The following NPL variants were observed in gnomAD, a reference collection of about 807,000 sequenced individuals.
The protein encoded by NPL is N-acetylneuraminate pyruvate lyase.
NPL carries 32 observed loss-of-function variants against 41.1 expected under a neutral mutation model. The ratio of observed to expected loss-of-function variants is 0.78; its 90% CI spans 0.59 to 1.05. NPL has a LOEUF of 1.05. Ranked by LOEUF, NPL falls within the 50% of genes least tolerant of loss-of-function variation. NPL has a pLI of 0.00. For missense variants in NPL, 321 were observed against 378.4 expected (o/e 0.85, Z 1.26); for synonymous variants, 128 against 134.9 (o/e 0.95, Z 0.35).
chr1:182,827,461 A>G (rs1557955344), intron 12 of NPL, among the ~76,000 whole-genome samples: 1 of 152,178 alleles, frequency 6.6e-6, no homozygotes, highest in Non-Finnish European at 1.5e-5. Context: ...AAAGTCTATT[A>G]GTTGTATTTT....
intron 3 of NPL, among the ~76,000 whole-genome samples, chr1:182,803,041 A>C (rs1021539219): frequency 6.6e-6 from 1 of 152,224 alleles, no homozygotes; most frequent in Non-Finnish European, 1.5e-5. Context: ...AGATGGGTTT[A>C]AGACTCCATG....
chr1:182,797,836 T>A (rs1666719756), intron 3 of NPL, among the ~76,000 whole-genome samples: 1 of 152,358 alleles, frequency 6.6e-6, no homozygotes, highest in Non-Finnish European at 1.5e-5. Flanking sequence ...TTAGCCCTGT[T>A]CAATAGATAT....
Position 182,806,243 on chromosome 1 carries a change from G to T in NPL, c.230+11G>T. 6.2e-7 allele frequency: 1 copy of T among 1,614,196 alleles called. No homozygotes were observed. The highest frequency in any genetic ancestry group is 2.2e-5 in the East Asian group (1 of 44,882). ...AAAAGGGAAGGACAAGTGAGTGGCT[G>T]CATGAGGATAAAAATGCCCTTTGGC... On this transcript the variant is annotated intron_variant, in intron 5 of 12. Transcript: ENST00000367553.
At chr1:182,806,333 G>C in intron 5 of NPL, 101 bp downstream of exon 5, 1 of 1,567,696 alleles carries the variant, frequency 6.4e-7, no homozygotes, top group Non-Finnish European at 8.6e-7. Flanking sequence ...GGTCAGAGCC[G>C]GGGCTTGAGG....
At chr1:182,796,492 A>G (rs571875357) in intron 3 of NPL, among the ~76,000 whole-genome samples, 1 of 152,356 alleles carries the variant, frequency 6.6e-6, no homozygotes, top group South Asian at 2.1e-4. Flanking sequence ...CTAACCTGGC[A>G]TGTACATATA....
At chr1:182,793,771 C>CT (rs925947399) in intron 2 of NPL, among the ~76,000 whole-genome samples, 27 of 152,296 alleles carry the variant, frequency 1.8e-4, no homozygotes, top group African/African-American at 6.5e-4. Context: ...AAAATGTCCC[C>CT]TTTTATGACC....
chr1:182,814,075 C>T (rs1667256193), intron 6 of NPL, among the ~76,000 whole-genome samples: 1 of 152,208 alleles, frequency 6.6e-6, no homozygotes, highest in Non-Finnish European at 1.5e-5. Flanking sequence ...TCTGAAACAA[C>T]AAGTATCTAC....
intron 4 of NPL, among the ~76,000 whole-genome samples, chr1:182,804,631 C>G (rs1234168082): frequency 2.0e-5 from 3 of 152,080 alleles, no homozygotes; most frequent in Non-Finnish European, 4.4e-5. Flanking sequence ...TTGAGCTGTC[C>G]CTTGCTTAGT....
intron 10 of NPL, among the ~76,000 whole-genome samples, 161 bp downstream of exon 10, chr1:182,819,020 G>A (rs1414462622): frequency 6.6e-6 from 1 of 152,210 alleles, no homozygotes; most frequent in Non-Finnish European, 1.5e-5. Context: ...TTAGCTGTTT[G>A]TTAGAAATTC....
chr1:182,796,043 A>G (rs1666654334), intron 3 of NPL, among the ~76,000 whole-genome samples: 1 of 151,876 alleles, frequency 6.6e-6, no homozygotes, highest in Non-Finnish European at 1.5e-5. Context: ...GATAACTAAA[A>G]TGACTTTTTC....
intron 8 of NPL, 57 bp from the exon 9 acceptor site, chr1:182,818,484 T>G: frequency 8.6e-4 from 1,368 of 1,595,646 alleles, no homozygotes; most frequent in Non-Finnish European, 1.1e-3. Flanking sequence ...TGACACTATA[T>G]GAGATGTTAT....
At chr1:182,825,632 T>G in intron 11 of NPL, 149 bp from the exon 12 acceptor site, 1 of 659,046 alleles carries the variant, frequency 1.5e-6, no homozygotes, top group Non-Finnish European at 2.7e-6. Flanking sequence ...CCCAGCCATC[T>G]TCACTTGGCT....
In NPL at chr1:182,830,094, T is replaced by C. The variant is rs1374952711; in HGVS notation, c.*1186T>C. 2 of 153,174 alleles carry C rather than the reference T, an allele frequency of 1.3e-5. No homozygotes were observed. Among genetic ancestry groups the C allele is most frequent in the African/African-American group, 2.4e-5 (1 of 41,500 alleles). The allele number at this position is 153,174 out of a possible 1,614,324, so 9.5% of individuals were successfully genotyped here. A position where few individuals can be genotyped will look rare whatever the true frequency, so the allele number is the denominator to read the frequency against. On this transcript the variant is annotated 3_prime_UTR_variant, in exon 13 of 13. Coordinates refer to ENST00000367553, the MANE Select transcript of NPL (RefSeq NM_030769.3). ...ATATCAGTTTTGCTCCTTATTTTAA[T>C]CTCTTTGAATTAAAAATAAAACTTT...
At chr1:182,803,015 T>A (rs1302101669) in intron 3 of NPL, among the ~76,000 whole-genome samples, 1 of 152,206 alleles carries the variant, frequency 6.6e-6, no homozygotes, top group Non-Finnish European at 1.5e-5. Context: ...TTGTTCAATG[T>A]AAAACCAGCA....
At chr1:182,802,593 A>G (rs766886528) in intron 3 of NPL, among the ~76,000 whole-genome samples, 3 of 152,054 alleles carry the variant, frequency 2.0e-5, no homozygotes, top group Non-Finnish European at 4.4e-5. Context: ...GCCAGCTAGC[A>G]CTCTGTGTTC....
chr1:182,823,786 T>C (rs1159098658), intron 11 of NPL, among the ~76,000 whole-genome samples: 1 of 152,250 alleles, frequency 6.6e-6, no homozygotes, highest in Non-Finnish European at 1.5e-5. Flanking sequence ...TCCATCTTTT[T>C]TCCCCTCTTA....
Position 182,829,758 on chromosome 1 carries a change from ATGT to A in NPL, c.*852_*854del. 1 of 888,130 alleles carries A rather than the reference ATGT, an allele frequency of 1.1e-6. No homozygotes were observed. The highest frequency in any genetic ancestry group is 2.6e-5 in the East Asian group (1 of 37,874). The allele number at this position is 888,130 out of a possible 1,614,324, so 55.0% of individuals were successfully genotyped here. ...CTTTCTGCAGTGAGCCCAGGGGCTA[ATGT>A]TATTATCCTGTCACACTTGCAACTA... On this transcript the variant is annotated 3_prime_UTR_variant, in exon 13 of 13. Transcript: ENST00000367553.
intron 8 of NPL, 65 bp downstream of exon 8, chr1:182,816,871 G>C: frequency 2.3e-6 from 3 of 1,279,718 alleles, no homozygotes; most frequent in Non-Finnish European, 3.4e-6. Context: ...ATTATGCTAA[G>C]AAACTCCACT....
At chr1:182,823,435 T>C (rs72727039) in intron 11 of NPL, among the ~76,000 whole-genome samples, 136 of 152,282 alleles carry the variant, frequency 8.9e-4, no homozygotes, top group Admixed American at 1.6e-3. Flanking sequence ...TAAATCTACT[T>C]CCTCCTTAAA....
Sources: gnomAD v4.1 joint callset for allele counts (sites outside exome capture counted in the v4.1 genomes callset) on GRCh38, gnomAD v4.1.1 for gene constraint, MANE v1.5 for transcripts, NCBI Gene and HGNC (gene_info 2026-07-23, HGNC 2026-07-21) for gene names.